The following USP31 variants were observed in gnomAD, a reference collection of about 807,000 sequenced individuals.
USP31 encodes ubiquitin specific peptidase 31, also known as ubiquitin carboxyl-terminal hydrolase 31.
USP31 carries 44 observed loss-of-function variants against 119.4 expected under a neutral mutation model. That is an observed-to-expected ratio of 0.37 (90% CI 0.29 to 0.47). The LOEUF (loss-of-function observed/expected upper bound fraction) is 0.47. Ranked by LOEUF, USP31 falls within the 20% of genes least tolerant of loss-of-function variation. The probability of loss-of-function intolerance (pLI) is 0.99; values close to 1 mark genes in which losing one functional copy is unlikely to be tolerated. For synonymous variants in USP31, 749 were observed against 705.6 expected (o/e 1.06, Z -0.97); for missense variants, 1,643 against 1,730.2 (o/e 0.95, Z 0.89).
intron 1 of USP31, among the ~76,000 whole-genome samples, chr16:23,144,788 T>G (rs982028774): frequency 5.9e-5 from 9 of 152,172 alleles, no homozygotes; most frequent in Non-Finnish European, 1.3e-4. Context: ...TGCCTTAGCA[T>G]TCAACTTTCT....
intron 1 of USP31, among the ~76,000 whole-genome samples, chr16:23,121,478 A>G (rs1902667431): frequency 6.6e-6 from 1 of 152,150 alleles, no homozygotes; most frequent in African/African-American, 2.4e-5. Flanking sequence ...CCCAATCTTT[A>G]CCAATTCTAG....
intron 1 of USP31, among the ~76,000 whole-genome samples, chr16:23,122,008 T>G (rs1356981376): frequency 6.6e-6 from 1 of 152,180 alleles, no homozygotes; most frequent in Non-Finnish European, 1.5e-5. Context: ...AAATTACTCA[T>G]AAGACAATAC....
intron 1 of USP31, among the ~76,000 whole-genome samples, chr16:23,135,569 A>T (rs1903164075): frequency 6.6e-6 from 1 of 152,182 alleles, no homozygotes; most frequent in South Asian, 2.1e-4. Flanking sequence ...ATAAAACAAA[A>T]TAATTCCATT....
rs1325354022 is a variant in USP31, at chr16:23,084,969, T to C, written c.1721A>G (p.Asp574Gly). 1.2e-6 allele frequency: 2 copies of C among 1,613,872 alleles called. No homozygotes were observed. The highest frequency in any genetic ancestry group is 1.7e-6 in the Non-Finnish European group (2 of 1,179,964). Residue 574 changes from aspartate (D) to glycine (G), a missense_variant, in exon 11 of 16, where the codon GAT becomes GGT. Physicochemically the swap from Asp to Gly is moderately conservative, Grantham distance 94. This residue lies in a region of USP31 where 279 missense variants were observed against 372.2 expected (regional missense o/e 0.75). Coordinates refer to ENST00000219689, the MANE Select transcript of USP31 (RefSeq NM_020718.4). The part of the protein sequence containing the change: ...TRDFLFVNTE[D>G]EYIPDAESVR... Reference sequence around the variant, plus strand: ...ACTTTCTGCATCAGGAATATACTCATCCTCAGTATTTACAAATAAGCTGCA... The same window carrying C: ...ACTTTCTGCATCAGGAATATACTCACCCTCAGTATTTACAAATAAGCTGCA...
At chr16:23,089,701 T>A (rs1901269044) in intron 7 of USP31, among the ~76,000 whole-genome samples, 1 of 152,202 alleles carries the variant, frequency 6.6e-6, no homozygotes, top group African/African-American at 2.4e-5. Flanking sequence ...TCAGGTTACA[T>A]TCCTACTGTG....
At chr16:23,126,626 CAAA>C (rs78273190) in intron 1 of USP31, among the ~76,000 whole-genome samples, 6 of 107,164 alleles carry the variant, frequency 5.6e-5, no homozygotes, top group Non-Finnish European at 9.7e-5. Flanking sequence ...GACTCTGTCT[CAAA>C]AAAAAAAAAA....
rs769488723 is a variant in USP31, at chr16:23,068,247, A to G, written c.3858T>C (p.Asn1286=). The G allele has an allele frequency of 1.2e-6, 2 of 1,614,022 alleles. No individual in the cohort carries two copies. The highest frequency in any genetic ancestry group is 1.7e-6 in the Non-Finnish European group (2 of 1,180,002). ...QPPASQQPNA[N]TTGKEQLVTK... is the part of the protein sequence containing the mutation. ...TGACAAGCTGCTCTTTTCCCGTTGT[A>G]TTTGCATTTGGCTGCTGGGAAGCTG... The change falls in exon 16 of 16, where the codon AAT becomes AAC. Residue 1286 remains asparagine, a synonymous_variant. Transcript: ENST00000219689.
chr16:23,142,498 T>C (rs1389464438), intron 1 of USP31, among the ~76,000 whole-genome samples: 1 of 152,200 alleles, frequency 6.6e-6, no homozygotes, highest in Non-Finnish European at 1.5e-5. Flanking sequence ...TGTCGTTTCA[T>C]TGCTTGTACT....
chr16:23,144,526 C>A (rs1443529210), intron 1 of USP31, among the ~76,000 whole-genome samples: 1 of 151,834 alleles, frequency 6.6e-6, no homozygotes. Context: ...GTCACCCAGG[C>A]TGGAGCGCAG....
intron 1 of USP31, among the ~76,000 whole-genome samples, chr16:23,142,427 G>C (rs58283875): frequency 1.3e-5 from 2 of 152,172 alleles, no homozygotes; most frequent in Non-Finnish European, 2.9e-5. Context: ...CAGTCTCAGA[G>C]GAAAAAATGT....
chr16:23,072,585 T>C (rs1900392114), intron 14 of USP31: 1 of 504,480 alleles, frequency 2.0e-6, no homozygotes, highest in African/African-American at 1.9e-5. Context: ...TAATATTTCT[T>C]ACACAAAGAG....
intron 6 of USP31, among the ~76,000 whole-genome samples, chr16:23,091,477 C>T (rs998176033): frequency 1.3e-5 from 2 of 152,196 alleles, no homozygotes; most frequent in Non-Finnish European, 2.9e-5. Context: ...TCCTTTAATC[C>T]TTTGGAAGCA....
In USP31 at chr16:23,148,952, ACGGCGGCGGCGTGGGCG is replaced by A. The variant is rs1285673142; in HGVS notation, c.302_318del (p.Ala101ValfsTer65). Reference sequence around the variant, plus strand: ...GCGGGAGAGGCGGGCGGCGGCGGGCACGGCGGCGGCGTGGGCGCGGCGGCCGGCCCGGGCGGGAAGCA... The same window carrying A: ...GCGGGAGAGGCGGGCGGCGGCGGGCACGGCGGCCGGCCCGGGCGGGAAGCA... On this transcript the variant is annotated frameshift_variant, in exon 1 of 16. Transcript: ENST00000219689. LOFTEE classifies it high-confidence loss of function. 7 of 1,037,728 alleles carry A rather than the reference ACGGCGGCGGCGTGGGCG, an allele frequency of 6.7e-6. No homozygotes were observed. The highest frequency in any genetic ancestry group is 1.2e-6 in the Non-Finnish European group (1 of 863,416). 64.3% of individuals were successfully genotyped at this position (1,037,728 alleles called of 1,614,324 possible).
chr16:23,080,294 A>G, intron 12 of USP31, 123 bp from the exon 13 acceptor site: 1 of 785,712 alleles, frequency 1.3e-6, no homozygotes, highest in Non-Finnish European at 2.0e-6. Context: ...GATGTTTCCC[A>G]AGACATACAA....
At chr16:23,116,166 A>C (rs1462314075) in intron 1 of USP31, among the ~76,000 whole-genome samples, 1 of 152,238 alleles carries the variant, frequency 6.6e-6, no homozygotes, top group Non-Finnish European at 1.5e-5. Context: ...ATTCTATGCC[A>C]GAAGAAACAC....
chr16:23,123,610 T>C (rs911107546), intron 1 of USP31, among the ~76,000 whole-genome samples: 1 of 152,188 alleles, frequency 6.6e-6, no homozygotes, highest in Admixed American at 6.5e-5. Flanking sequence ...TAAAGTTTCT[T>C]AATTTAGTCA....
In USP31 at chr16:23,068,670, C is replaced by G. The variant is rs747432121; in HGVS notation, c.3435G>C (p.Gly1145=). ...GPATRSPFPP[G]KSRTSDHSLS... is the part of the protein sequence containing the mutation. ...AGCTGTGGTCTGAAGTCCTGCTCTT[C>G]CCAGGTGGGAAAGGGCTCCTTGTGG... The change falls in exon 16 of 16, where the codon GGG becomes GGC. Residue 1145 remains glycine (G), a synonymous_variant. Coordinates refer to ENST00000219689, the MANE Select transcript of USP31 (RefSeq NM_020718.4). 1.9e-6 allele frequency: 3 copies of G among 1,614,216 alleles called. No homozygotes were observed. The South Asian group carries it at 3.3e-5, about 18-fold the overall frequency.
At chr16:23,084,250 C>CCCAAAGAGGCTTATTTATCCAT (rs1352705610) in intron 11 of USP31, among the ~76,000 whole-genome samples, 1 of 152,158 alleles carries the variant, frequency 6.6e-6, no homozygotes, top group Non-Finnish European at 1.5e-5. Context: ...CTGGGCCCCA[C>CCCAAAGAGGCTTATTTATCCAT]CCAAAGAGGC....
intron 1 of USP31, among the ~76,000 whole-genome samples, chr16:23,130,419 C>CG (rs1438490375): frequency 2.7e-5 from 4 of 150,476 alleles, no homozygotes; most frequent in African/African-American, 9.9e-5. Flanking sequence ...CACCCCCCCC[C>CG]CAACTAATAT....
Sources: allele counts gnomAD v4.1 joint callset (sites outside exome capture counted in the v4.1 genomes callset), GRCh38; gene constraint gnomAD v4.1.1; regional missense constraint gnomAD v4.1.1; transcripts MANE v1.5; gene names NCBI Gene and HGNC (gene_info 2026-07-23, HGNC 2026-07-21).